Variants in NEGR1 observed in about 807,000 individuals in gnomAD.
The protein encoded by NEGR1 is IgLON family member 4.
Under a neutral mutation model 40.9 loss-of-function variants are expected in NEGR1, and 10 were observed. The observed-to-expected ratio is 0.24, with a 90% CI of 0.15 to 0.42. The LOEUF (loss-of-function observed/expected upper bound fraction) is 0.42. Ranked by LOEUF, NEGR1 falls within the 10% of genes least tolerant of loss-of-function variation. NEGR1 has a pLI of 1.00. For missense variants in NEGR1, 352 were observed against 438.9 expected (o/e 0.80, Z 1.77); for synonymous variants, 185 against 166.8 (o/e 1.11, Z -0.84).
chr1:72,157,995 T>C (rs901991099), intron 1 of NEGR1, among the ~76,000 whole-genome samples: 10 of 152,124 alleles, frequency 6.6e-5, no homozygotes, highest in African/African-American at 2.4e-4. Flanking sequence ...CACCATCCAA[T>C]TCATGGAAGT....
chr1:71,646,785 C>A (rs773695713), intron 4 of NEGR1, among the ~76,000 whole-genome samples: 10 of 151,692 alleles, frequency 6.6e-5, no homozygotes, highest in Non-Finnish European at 1.3e-4. Flanking sequence ...TGAGAGGGCT[C>A]TTCAGGGACT....
rs571924515 is a variant in NEGR1, at chr1:71,552,480, T to C, written c.940+40337A>G. Among the ~76,000 whole-genome samples, 11 of 148,638 alleles carry C rather than the reference T, an allele frequency of 7.4e-5. No homozygotes were observed. In the East Asian group the frequency reaches 2.0e-3, roughly 27 times the overall value. On this transcript the variant is annotated intron_variant, in intron 6 of 6. Transcript: ENST00000357731. ...TAGCTCCTGAGACCACAGCCAAGAC[T>C]ATAATACATTAGAAGAATATATTCT...
chr1:72,252,427 T>C (rs1655133396), intron 1 of NEGR1, among the ~76,000 whole-genome samples: 1 of 152,300 alleles, frequency 6.6e-6, no homozygotes, highest in East Asian at 1.9e-4. Context: ...GTGGACTTAA[T>C]GTTAAATTCC....
intron 1 of NEGR1, among the ~76,000 whole-genome samples, chr1:72,090,055 T>TA (rs1648402683): frequency 6.6e-6 from 1 of 152,100 alleles, no homozygotes; most frequent in African/African-American, 2.4e-5. Flanking sequence ...AAAAATTAGA[T>TA]AAAAATATGA....
At chr1:71,839,737 T>A (rs1659171612) in intron 2 of NEGR1, among the ~76,000 whole-genome samples, 1 of 152,124 alleles carries the variant, frequency 6.6e-6, no homozygotes, top group Non-Finnish European at 1.5e-5. Context: ...ACCAGGACAT[T>A]TAAACTACTC....
At chr1:71,473,861 C>G (rs1043507917) in intron 6 of NEGR1, among the ~76,000 whole-genome samples, 45 of 151,924 alleles carry the variant, frequency 3.0e-4, no homozygotes, top group Non-Finnish European at 7.4e-5. Flanking sequence ...TAATACTATT[C>G]TGTGTGTCAG....
chr1:71,919,972 C>G (rs765169302), intron 2 of NEGR1, among the ~76,000 whole-genome samples: 2 of 152,110 alleles, frequency 1.3e-5, no homozygotes, highest in South Asian at 2.1e-4. Context: ...AGCTGTGGCT[C>G]TCCAGGGTTC....
intron 6 of NEGR1, among the ~76,000 whole-genome samples, chr1:71,567,322 C>T (rs1648651864): frequency 6.6e-6 from 1 of 152,018 alleles, no homozygotes; most frequent in Admixed American, 6.6e-5. Flanking sequence ...ATAGATTCTG[C>T]TATGAATGTG....
chr1:71,685,679 T>G (rs550823360), intron 4 of NEGR1, among the ~76,000 whole-genome samples: 1 of 152,220 alleles, frequency 6.6e-6, no homozygotes, highest in South Asian at 2.1e-4. Flanking sequence ...CCTCTCCACG[T>G]GTGTACTCCA....
chr1:72,191,646 C>T (rs921974036), intron 1 of NEGR1, among the ~76,000 whole-genome samples: 1 of 151,656 alleles, frequency 6.6e-6, no homozygotes, highest in African/African-American at 2.4e-5. Flanking sequence ...TCTCATTTAC[C>T]CTTACCAAAT....
chr1:72,004,083 G>T (rs910316058), intron 1 of NEGR1, among the ~76,000 whole-genome samples: 2 of 151,924 alleles, frequency 1.3e-5, no homozygotes, highest in African/African-American at 4.8e-5. Flanking sequence ...GGGGGCAATT[G>T]AACTTCCCAT....
Position 71,409,215 on chromosome 1 carries a change from T to G in NEGR1, c.941-1645A>C, listed in dbSNP as rs142253993. Among the ~76,000 whole-genome samples the G allele has an allele frequency of 1.7e-4, 26 of 152,150 alleles. No homozygotes were observed. In the East Asian group the frequency reaches 4.1e-3, roughly 24 times the overall value. ...AGCTATGGAACTCCTCATTGTCCCC[T>G]TTTCTAGACCTAGAAAAATATTTTA... On this transcript the variant is annotated intron_variant, in intron 6 of 6. Transcript: ENST00000357731.
chr1:72,228,248 C>A (rs1161223750), intron 1 of NEGR1, among the ~76,000 whole-genome samples: 1 of 152,158 alleles, frequency 6.6e-6, no homozygotes, highest in Admixed American at 6.6e-5. Flanking sequence ...AACAGTTTGA[C>A]ATTCCCAACA....
intron 3 of NEGR1, among the ~76,000 whole-genome samples, chr1:71,757,853 C>T (rs778237082): frequency 8.5e-5 from 13 of 152,064 alleles, no homozygotes; most frequent in Non-Finnish European, 1.3e-4. Flanking sequence ...CATAAGAACA[C>T]AGTATTCATC....
intron 1 of NEGR1, among the ~76,000 whole-genome samples, chr1:72,187,196 T>C (rs1351814459): frequency 6.6e-6 from 1 of 151,436 alleles, no homozygotes; most frequent in Non-Finnish European, 1.5e-5. Context: ...CTTAGCAAGT[T>C]ACCAGTTGAT....
At chr1:72,098,091 T>C (rs1182058252) in intron 1 of NEGR1, among the ~76,000 whole-genome samples, 1 of 152,244 alleles carries the variant, frequency 6.6e-6, no homozygotes, top group African/African-American at 2.4e-5. Flanking sequence ...CACAGCTGCA[T>C]AGCCCCTGTC....
chr1:71,882,643 T>C (rs1009843231), intron 2 of NEGR1, among the ~76,000 whole-genome samples: 34 of 151,836 alleles, frequency 2.2e-4, no homozygotes, highest in Non-Finnish European at 4.3e-4. Context: ...GGACCTATCT[T>C]TAGTATCCCT....
chr1:71,795,773 ATTGTGC>A (rs776991809), intron 2 of NEGR1, among the ~76,000 whole-genome samples: 7 of 152,196 alleles, frequency 4.6e-5, no homozygotes, highest in Non-Finnish European at 1.0e-4. Context: ...TTGGGAAAGA[ATTGTGC>A]AGTATGAAAT....
chr1:72,075,593 A>G (rs1004373571), intron 1 of NEGR1, among the ~76,000 whole-genome samples: 7 of 152,150 alleles, frequency 4.6e-5, no homozygotes, highest in Non-Finnish European at 1.0e-4. Context: ...TTTTCATCCA[A>G]GTTTTTATGG....
Sources: allele counts gnomAD v4.1 joint callset (sites outside exome capture counted in the v4.1 genomes callset), GRCh38; gene constraint gnomAD v4.1.1; transcripts MANE v1.5; gene names NCBI Gene and HGNC (gene_info 2026-07-23, HGNC 2026-07-21).